Variants in ARFGEF2 observed in about 807,000 individuals in gnomAD.
ARFGEF2 encodes the protein ARF guanine nucleotide exchange factor 2, also known as brefeldin A-inhibited guanine nucleotide-exchange protein 2.
A neutral mutation model predicts 219.9 loss-of-function variants in ARFGEF2; 74 were observed. That is an observed-to-expected ratio of 0.34 (90% CI 0.28 to 0.41). ARFGEF2 has a LOEUF of 0.41. Among genes scored for constraint, ARFGEF2 ranks in the 10% least tolerant of loss-of-function variants. The pLI is 1.00. For synonymous variants in ARFGEF2, 733 were observed against 799.2 expected (o/e 0.92, Z 1.40); for missense variants, 1,743 against 2,218.3 (o/e 0.79, Z 4.30).
At chr20:48,976,284 A>G in intron 14 of ARFGEF2, 85 bp downstream of exon 14, 1 of 1,530,910 alleles carries the variant, frequency 6.5e-7, no homozygotes, top group Non-Finnish European at 8.9e-7. Context: ...TAAAAAGGAA[A>G]TGCCTGTTTA....
At chr20:49,002,890 C>G (rs2091433827) in intron 25 of ARFGEF2, among the ~76,000 whole-genome samples, 2 of 152,184 alleles carry the variant, frequency 1.3e-5, no homozygotes, top group Non-Finnish European at 2.9e-5. Flanking sequence ...AGATGATCCA[C>G]CCGCCTCAGC....
At chr20:48,951,525 GA>G (rs1289905960) in intron 4 of ARFGEF2, 56 bp downstream of exon 4, 10 of 1,610,710 alleles carry the variant, frequency 6.2e-6, no homozygotes, top group Non-Finnish European at 8.5e-6. Flanking sequence ...GTCCCTGTGG[GA>G]ATCTGGATTT....
In ARFGEF2 at chr20:49,017,397, C is replaced by G. The variant is rs764930913; in HGVS notation, c.4454+10C>G. 1.9e-6 allele frequency: 3 copies of G among 1,613,960 alleles called. No individual in the cohort carries two copies. In the South Asian group the frequency reaches 3.3e-5, roughly 18 times the overall value. Reference sequence around the variant, plus strand: ...CAACCATCCCACATGTGTAAGTGTTCATGCAGTTGTTCCCGTTTATCTCTG... The same window carrying G: ...CAACCATCCCACATGTGTAAGTGTTGATGCAGTTGTTCCCGTTTATCTCTG... On this transcript the variant is annotated intron_variant, in intron 32 of 38. Coordinates refer to ENST00000371917, the MANE Select transcript of ARFGEF2 (RefSeq NM_006420.3).
At chr20:48,928,004 GTTTGA>G (rs1156602676) in intron 1 of ARFGEF2, among the ~76,000 whole-genome samples, 1 of 152,114 alleles carries the variant, frequency 6.6e-6, no homozygotes, top group Non-Finnish European at 1.5e-5. Flanking sequence ...GACTTTGAAA[GTTTGA>G]TTTGCTTATT....
intron 23 of ARFGEF2, among the ~76,000 whole-genome samples, chr20:48,997,724 T>TG (rs1345725333): frequency 6.6e-6 from 1 of 152,242 alleles, no homozygotes; most frequent in Non-Finnish European, 1.5e-5. Flanking sequence ...CTCTCTACCT[T>TG]GTCTGAGAGT....
intron 36 of ARFGEF2, among the ~76,000 whole-genome samples, chr20:49,026,248 T>TTGAGCCTAGGAGGTGGAGGTTGCAG (rs2091601632): frequency 6.6e-6 from 1 of 152,078 alleles, no homozygotes; most frequent in African/African-American, 2.4e-5. Context: ...GGAGAATCAC[T>TTGAGCCTAGGAGGTGGAGGTTGCAG]TGAGCCTAGG....
At chr20:49,010,445 A>G (rs1568736094) in intron 27 of ARFGEF2, 41 bp downstream of exon 27, 1 of 1,607,944 alleles carries the variant, frequency 6.2e-7, no homozygotes, top group Non-Finnish European at 8.5e-7. Context: ...TCCCACCTGC[A>G]AGTCTAGAAG....
intron 1 of ARFGEF2, among the ~76,000 whole-genome samples, chr20:48,923,506 G>A (rs1458962286): frequency 1.3e-5 from 2 of 152,178 alleles, no homozygotes; most frequent in Admixed American, 6.5e-5. Context: ...TTGCTAGTCC[G>A]TGAAATTCAG....
At chr20:49,030,452 T>C (rs2091627484) in intron 37 of ARFGEF2, among the ~76,000 whole-genome samples, 1 of 151,160 alleles carries the variant, frequency 6.6e-6, no homozygotes, top group Non-Finnish European at 1.5e-5. Context: ...GCAATTTTTC[T>C]TTTGAAATCT....
chr20:48,957,793 A>G (rs1179225095), intron 6 of ARFGEF2, among the ~76,000 whole-genome samples: 1 of 152,090 alleles, frequency 6.6e-6, no homozygotes, highest in Non-Finnish European at 1.5e-5. Flanking sequence ...CCTCTTCAGG[A>G]ACCTTCTGCT....
chr20:49,008,603 C>CT (rs1440140738), intron 26 of ARFGEF2, among the ~76,000 whole-genome samples: 1 of 150,400 alleles, frequency 6.6e-6, no homozygotes, highest in Non-Finnish European at 1.5e-5. Flanking sequence ...TGGGAAATGA[C>CT]TAATACTTTA....
intron 14 of ARFGEF2, 120 bp downstream of exon 14, chr20:48,976,319 A>C (rs1373700291): frequency 7.9e-7 from 1 of 1,261,868 alleles, no homozygotes; most frequent in Non-Finnish European, 1.1e-6. Flanking sequence ...TGGCACTTGT[A>C]GCTAAGCCTG....
intron 28 of ARFGEF2, among the ~76,000 whole-genome samples, chr20:49,012,599 TC>T (rs1341292459): frequency 9.2e-5 from 14 of 152,284 alleles, no homozygotes; most frequent in African/African-American, 3.4e-4. Context: ...TGAAAACAAG[TC>T]CATCTAAACT....
chr20:48,977,290 C>T (rs2091268133), intron 14 of ARFGEF2, among the ~76,000 whole-genome samples: 1 of 152,128 alleles, frequency 6.6e-6, no homozygotes. Context: ...ATCCATGTCC[C>T]TGCAAAGGAC....
chr20:49,023,347 A>T (rs2091578500), intron 35 of ARFGEF2, among the ~76,000 whole-genome samples, 166 bp downstream of exon 35: 1 of 152,092 alleles, frequency 6.6e-6, no homozygotes, highest in Non-Finnish European at 1.5e-5. Flanking sequence ...ATTGGCCTTG[A>T]TGGGAGTTAT....
At chr20:48,986,344 T>A (rs1003797670) in intron 16 of ARFGEF2, among the ~76,000 whole-genome samples, 3 of 152,156 alleles carry the variant, frequency 2.0e-5, no homozygotes, top group African/African-American at 7.2e-5. Context: ...AAGCTCATGT[T>A]CGGGCTGGAT....
At chr20:48,950,264 T>C (rs1177705231) in intron 3 of ARFGEF2, among the ~76,000 whole-genome samples, 3 of 152,098 alleles carry the variant, frequency 2.0e-5, no homozygotes, top group Non-Finnish European at 2.9e-5. Context: ...GTTTTTACAT[T>C]AATTTTTGGG....
In ARFGEF2 at chr20:49,036,648, T is replaced by G. The variant is rs1242591473; in HGVS notation, c.*3449T>G. On this transcript the variant is annotated 3_prime_UTR_variant, in exon 39 of 39. Transcript: ENST00000371917. ...TATTATGTATAATACTATTAAAATA[T>G]CCCATGCTTTGATCAGGTGGTACAT... 1 of 155,964 alleles carries G rather than the reference T, an allele frequency of 6.4e-6. No homozygotes were observed. The highest frequency in any genetic ancestry group is 1.4e-5 in the Non-Finnish European group (1 of 70,724). 9.7% of individuals were successfully genotyped at this position (155,964 alleles called of 1,614,324 possible).
At chr20:49,004,116 G>A (rs913610661) in intron 25 of ARFGEF2, among the ~76,000 whole-genome samples, 2 of 152,096 alleles carry the variant, frequency 1.3e-5, no homozygotes, top group South Asian at 2.1e-4. Flanking sequence ...TGTAATCGCA[G>A]CATTTTGATT....
Sources: gnomAD v4.1 joint callset for allele counts (sites outside exome capture counted in the v4.1 genomes callset) on GRCh38, gnomAD v4.1.1 for gene constraint, MANE v1.5 for transcripts, NCBI Gene and HGNC (gene_info 2026-07-23, HGNC 2026-07-21) for gene names.